COX16: variants seen among roughly 807,000 people sequenced by gnomAD.
COX16 encodes the protein cytochrome c oxidase assembly protein COX16 homolog, mitochondrial.
A neutral mutation model predicts 15.4 loss-of-function variants in COX16; 12 were observed. The ratio of observed to expected loss-of-function variants is 0.78; its 90% CI spans 0.50 to 1.26. The LOEUF is 1.26. COX16 is among the 50% of genes most tolerant of loss of function. The probability of loss-of-function intolerance (pLI) is 0.00; values close to 1 mark genes in which losing one functional copy is unlikely to be tolerated. For missense variants in COX16, 124 were observed against 127.6 expected (o/e 0.97, Z 0.14); for synonymous variants, 46 against 41.1 (o/e 1.12, Z -0.46).
At chr14:70,358,249 G>GC (rs1887189877) in intron 1 of COX16, among the ~76,000 whole-genome samples, 1 of 151,926 alleles carries the variant, frequency 6.6e-6, no homozygotes, top group African/African-American at 2.4e-5. Context: ...ACTACTATTA[G>GC]TTATGATGCT....
chr14:70,346,756 C>T (rs570201030), intron 1 of COX16, among the ~76,000 whole-genome samples: 17 of 152,144 alleles, frequency 1.1e-4, no homozygotes, highest in Non-Finnish European at 2.2e-4. Context: ...CCCTTTTCTC[C>T]GTTGTGGGAA....
At chr14:70,358,371 A>G (rs908037499) in intron 1 of COX16, among the ~76,000 whole-genome samples, 4 of 94,078 alleles carry the variant, frequency 4.3e-5, no homozygotes, top group Non-Finnish European at 8.0e-5. Context: ...AAAAACAACA[A>G]TTTTTTTTTT....
chr14:70,349,342 C>A (rs1470469773), intron 1 of COX16, among the ~76,000 whole-genome samples: 2 of 152,226 alleles, frequency 1.3e-5, no homozygotes, highest in Non-Finnish European at 2.9e-5. Context: ...GCTCCGCTAT[C>A]TTCTAGTCTT....
intron 2 of COX16, among the ~76,000 whole-genome samples, chr14:70,332,633 G>A (rs1368060543): frequency 6.6e-6 from 1 of 152,214 alleles, no homozygotes; most frequent in Non-Finnish European, 1.5e-5. Flanking sequence ...AGATCCCGAG[G>A]CAGCTCAGTC....
Position 70,326,395 on chromosome 14 carries a change from A to AT in COX16, c.258_259insA (p.Trp87MetfsTer5), listed in dbSNP as rs1242646508. The AT allele has an allele frequency of 6.2e-7, 1 of 1,600,620 alleles. No individual in the cohort carries two copies. Among genetic ancestry groups the AT allele is most frequent in the Admixed American group, 1.7e-5 (1 of 58,842 alleles). ...CCTTGGAGGAGGTCAGGATCTTCCC[A>AT]AGGCCTGGGTCCTCGAATATTCTTC... On this transcript the variant is annotated frameshift_variant, in exon 4 of 4. Transcript: ENST00000389912. LOFTEE classifies it high-confidence loss of function.
chr14:70,328,603 CAT>C (rs4048520), intron 3 of COX16, among the ~76,000 whole-genome samples: 31,053 of 151,976 alleles, frequency 0.2, 4,121 homozygotes, highest in East Asian at 0.62. Context: ...AGCATCTCTT[CAT>C]ATGTTTAAGA....
In COX16 at chr14:70,326,363, AT is replaced by A; in HGVS notation, c.290del (p.Asn97IlefsTer24). ...TTGTCTTAGTCTTAAGGCTTTCTGG[AT>A]TTCTTCCTTGGAGGAGGTCAGGATC... ...WEDPDLLQGR[N>X]PESLKTKTT On this transcript the variant is annotated frameshift_variant, in exon 4 of 4. Coordinates refer to ENST00000389912, the MANE Select transcript of COX16 (RefSeq NM_016468.7). LOFTEE classifies it high-confidence loss of function. The A allele has an allele frequency of 6.3e-7, 1 of 1,579,406 alleles. No individual in the cohort carries two copies. The highest frequency in any genetic ancestry group is 1.2e-5 in the South Asian group (1 of 85,386).
intron 1 of COX16, 40 bp from the exon 2 acceptor site, chr14:70,342,769 C>A: frequency 1.9e-6 from 3 of 1,598,648 alleles, no homozygotes; most frequent in Middle Eastern, 1.7e-4. Flanking sequence ...AAACAGAAGA[C>A]CAGAATTCAA....
intron 1 of COX16, among the ~76,000 whole-genome samples, chr14:70,347,174 C>T (rs1008273715): frequency 6.6e-6 from 1 of 152,088 alleles, no homozygotes; most frequent in Non-Finnish European, 1.5e-5. Flanking sequence ...TATCATTTCT[C>T]GCCGCCTCAC....
At chr14:70,336,256 AAAAAAAC>A (rs938880153) in intron 2 of COX16, among the ~76,000 whole-genome samples, 4 of 122,178 alleles carry the variant, frequency 3.3e-5, no homozygotes, top group African/African-American at 1.1e-4. Flanking sequence ...ACTTCGTCTC[AAAAAAAC>A]AAAAAACAAA....
At chr14:70,348,986 GAAGAA>G (rs1886863878) in intron 1 of COX16, among the ~76,000 whole-genome samples, 1 of 152,116 alleles carries the variant, frequency 6.6e-6, no homozygotes, top group African/African-American at 2.4e-5. Context: ...TTACTCCTCA[GAAGAA>G]AAGGAGGACT....
chr14:70,344,077 G>A (rs1886703215), intron 1 of COX16, among the ~76,000 whole-genome samples: 1 of 152,158 alleles, frequency 6.6e-6, no homozygotes, highest in African/African-American at 2.4e-5. Context: ...TGGCAGAACT[G>A]GTTGAGCCCA....
intron 1 of COX16, 35 bp from the exon 2 acceptor site, chr14:70,342,764 G>A: frequency 6.2e-7 from 1 of 1,602,034 alleles, no homozygotes; most frequent in Non-Finnish European, 8.5e-7. Context: ...AAGCAAAACA[G>A]AAGACCAGAA....
intron 1 of COX16, 40 bp downstream of exon 1, chr14:70,359,479 G>A (rs749035661): frequency 1.3e-6 from 2 of 1,560,670 alleles, no homozygotes; most frequent in South Asian, 1.1e-5. Context: ...CAAGGAGGAG[G>A]GTCCCACCCC....
chr14:70,354,544 G>A (rs1314134833), intron 1 of COX16, among the ~76,000 whole-genome samples: 1 of 152,170 alleles, frequency 6.6e-6, no homozygotes, highest in Non-Finnish European at 1.5e-5. Context: ...GAACTCCCTG[G>A]TTGGTAAACA....
chr14:70,353,392 T>A (rs1887024531), intron 1 of COX16, among the ~76,000 whole-genome samples: 1 of 148,908 alleles, frequency 6.7e-6, no homozygotes, highest in Admixed American at 6.7e-5. Context: ...TTATATATAA[T>A]TTTATATATA....
At chr14:70,334,103 AAGAT>A (rs1886371525) in intron 2 of COX16, among the ~76,000 whole-genome samples, 1 of 152,252 alleles carries the variant, frequency 6.6e-6, no homozygotes, top group Admixed American at 6.5e-5. Flanking sequence ...TTCATACTAA[AAGAT>A]AAGAATACTG....
At chr14:70,333,362 A>C (rs1449062795) in intron 2 of COX16, among the ~76,000 whole-genome samples, 1 of 152,256 alleles carries the variant, frequency 6.6e-6, no homozygotes, top group Non-Finnish European at 1.5e-5. Flanking sequence ...AATTTATCAG[A>C]GAAATTGAAC....
intron 1 of COX16, among the ~76,000 whole-genome samples, chr14:70,356,187 C>G (rs1261819836): frequency 7.1e-5 from 9 of 126,490 alleles, no homozygotes; most frequent in Non-Finnish European, 1.4e-4. Flanking sequence ...CATGGCAGAC[C>G]ATTTTTCCAC....
Sources: allele counts gnomAD v4.1 joint callset (sites outside exome capture counted in the v4.1 genomes callset), GRCh38; gene constraint gnomAD v4.1.1; transcripts MANE v1.5; gene names NCBI Gene and HGNC (gene_info 2026-07-23, HGNC 2026-07-21).